VPS8: variants seen among roughly 807,000 people sequenced by gnomAD.
VPS8 encodes VPS8 subunit of CORVET complex.
In VPS8, 129 loss-of-function variants were observed where a neutral mutation model predicts 216.4. The ratio of observed to expected loss-of-function variants is 0.60; its 90% CI spans 0.52 to 0.69. The LOEUF (loss-of-function observed/expected upper bound fraction) is 0.69, where lower values mean the gene tolerates loss of function less well. VPS8 is among the 30% of genes least tolerant of loss of function. The probability of loss-of-function intolerance (pLI) is 0.00; values close to 1 mark genes in which losing one functional copy is unlikely to be tolerated. For missense variants in VPS8, 1,531 were observed against 1,683.5 expected (o/e 0.91, Z 1.59); for synonymous variants, 571 against 565.4 (o/e 1.01, Z -0.14).
chr3:184,865,599 G>T (rs1452985844), intron 16 of VPS8, among the ~76,000 whole-genome samples: 2 of 152,186 alleles, frequency 1.3e-5, no homozygotes, highest in Non-Finnish European at 2.9e-5. Flanking sequence ...ACAAGTGTTG[G>T]CAAGGATGTG....
At chr3:185,041,051 A>G (rs1292032456) in intron 46 of VPS8, among the ~76,000 whole-genome samples, 6 of 152,140 alleles carry the variant, frequency 3.9e-5, no homozygotes, top group Non-Finnish European at 8.8e-5. Context: ...GAAAAACACA[A>G]AAAATTAGCT....
At chr3:184,957,204 C>T (rs1745754199) in intron 36 of VPS8, among the ~76,000 whole-genome samples, 170 bp from the exon 37 acceptor site, 1 of 152,168 alleles carries the variant, frequency 6.6e-6, no homozygotes, top group African/African-American at 2.4e-5. Context: ...ATGTAATGTA[C>T]AGTTTGCTCA....
At chr3:184,919,072 A>G (rs1578239468) in intron 28 of VPS8, 1 of 152,198 alleles carries the variant, frequency 6.6e-6, no homozygotes, top group Admixed American at 6.5e-5. Flanking sequence ...CAAACAGGAG[A>G]AGGAAGGGAA....
intron 42 of VPS8, among the ~76,000 whole-genome samples, chr3:184,983,881 T>C (rs1750613267): frequency 6.6e-6 from 1 of 150,728 alleles, no homozygotes; most frequent in Non-Finnish European, 1.5e-5. Flanking sequence ...TCCTGTCAGC[T>C]CTTTTAAGAC....
chr3:184,927,431 T>G (rs1160819368), intron 31 of VPS8, among the ~76,000 whole-genome samples: 1 of 152,090 alleles, frequency 6.6e-6, no homozygotes, highest in Non-Finnish European at 1.5e-5. Context: ...CTGCAGAGTA[T>G]CCTAGGTAAA....
chr3:185,035,330 C>A (rs186384137), intron 46 of VPS8, among the ~76,000 whole-genome samples: 9 of 152,200 alleles, frequency 5.9e-5, no homozygotes, highest in Admixed American at 5.2e-4. Context: ...GGCCAATATC[C>A]CTGATAAACA....
At chr3:185,014,661 G>C (rs746051120) in intron 45 of VPS8, among the ~76,000 whole-genome samples, 1 of 152,150 alleles carries the variant, frequency 6.6e-6, no homozygotes, top group Non-Finnish European at 1.5e-5. Context: ...GCTAGATTCA[G>C]TTGCATATGA....
At chr3:185,025,900 C>T (rs1416146567) in intron 46 of VPS8, among the ~76,000 whole-genome samples, 4 of 152,120 alleles carry the variant, frequency 2.6e-5, no homozygotes. Context: ...CCCTCTGTTT[C>T]GTCTTATGTA....
chr3:184,987,686 A>G (rs1577072240), intron 42 of VPS8, among the ~76,000 whole-genome samples: 1 of 152,220 alleles, frequency 6.6e-6, no homozygotes, highest in African/African-American at 2.4e-5. Flanking sequence ...TAAAACAGCT[A>G]TGAACATTCA....
chr3:184,838,829 T>A, intron 6 of VPS8, 83 bp downstream of exon 6: 1 of 1,075,132 alleles, frequency 9.3e-7, no homozygotes, highest in Non-Finnish European at 1.3e-6. Context: ...TTCAAAATAC[T>A]ACATAAGTTG....
At chr3:184,818,470 C>T (rs1227773739) in intron 1 of VPS8, among the ~76,000 whole-genome samples, 6 of 149,534 alleles carry the variant, frequency 4.0e-5, no homozygotes, top group East Asian at 2.0e-4. Context: ...TGTAATGAGC[C>T]GAGCTTATGC....
intron 21 of VPS8, among the ~76,000 whole-genome samples, chr3:184,875,416 T>C (rs1399958367): frequency 6.6e-6 from 1 of 152,190 alleles, no homozygotes; most frequent in African/African-American, 2.4e-5. Flanking sequence ...GGTTGTGGCT[T>C]TTATTTATCT....
In VPS8 at chr3:184,901,907, T is replaced by C. The variant is rs536955735; in HGVS notation, c.2146+935T>C. On this transcript the variant is annotated intron_variant, in intron 25 of 47. Coordinates refer to ENST00000625842, the MANE Select transcript of VPS8 (RefSeq NM_001009921.3). Reference sequence around the variant, plus strand: ...TGTACCATTTCTCATCAACAATACTTGAGAGTTCCCGCTCCACATCCTTGC... The same window carrying C: ...TGTACCATTTCTCATCAACAATACTCGAGAGTTCCCGCTCCACATCCTTGC... Among the ~76,000 whole-genome samples, 20 of 152,336 alleles carry C rather than the reference T, an allele frequency of 1.3e-4. No individual in the cohort carries two copies. In the South Asian group the frequency reaches 1.4e-3, roughly 11 times the overall value.
At chr3:184,946,433 T>C (rs1452000422) in intron 36 of VPS8, among the ~76,000 whole-genome samples, 1 of 152,224 alleles carries the variant, frequency 6.6e-6, no homozygotes, top group Non-Finnish European at 1.5e-5. Context: ...GAGTAAACCA[T>C]GCTAGATTTC....
chr3:184,824,159 A>G (rs1718208012), intron 1 of VPS8: 1 of 154,134 alleles, frequency 6.5e-6, no homozygotes, highest in South Asian at 2.0e-4. Flanking sequence ...GAACTGGAGC[A>G]CTACCCTGGG....
chr3:184,965,141 A>G (rs1054728069), intron 38 of VPS8, among the ~76,000 whole-genome samples: 66 of 152,260 alleles, frequency 4.3e-4, no homozygotes, highest in African/African-American at 1.5e-3. Context: ...GAAGTGACGT[A>G]GCAGTTTTGT....
intron 36 of VPS8, among the ~76,000 whole-genome samples, chr3:184,952,061 C>G (rs973646813): frequency 6.6e-6 from 1 of 152,200 alleles, no homozygotes; most frequent in Non-Finnish European, 1.5e-5. Flanking sequence ...GCTCCATAGT[C>G]TTGCATTTAT....
At chr3:184,917,122 G>A (rs922455983) in intron 28 of VPS8, among the ~76,000 whole-genome samples, 24 of 152,266 alleles carry the variant, frequency 1.6e-4, no homozygotes, top group African/African-American at 5.3e-4. Context: ...CTACTGGAAC[G>A]TTAGGGAATG....
chr3:184,920,476 G>A (rs1023652655), intron 29 of VPS8, among the ~76,000 whole-genome samples: 1 of 152,204 alleles, frequency 6.6e-6, no homozygotes, highest in African/African-American at 2.4e-5. Context: ...ATGATTACGT[G>A]TAATAATAGA....
Sources: gnomAD v4.1 joint callset for allele counts (sites outside exome capture counted in the v4.1 genomes callset) on GRCh38, gnomAD v4.1.1 for gene constraint, MANE v1.5 for transcripts, NCBI Gene and HGNC (gene_info 2026-07-23, HGNC 2026-07-21) for gene names.